The following SGCZ variants were observed in gnomAD, a reference collection of about 807,000 sequenced individuals.
SGCZ encodes zeta-sarcoglycan.
A neutral mutation model predicts 41.3 loss-of-function variants in SGCZ; 40 were observed. The ratio of observed to expected loss-of-function variants is 0.97; its 90% CI spans 0.75 to 1.26. The LOEUF (loss-of-function observed/expected upper bound fraction) is 1.26, where lower values mean the gene tolerates loss of function less well. Among genes scored for constraint, SGCZ ranks in the 50% most tolerant of loss-of-function variants. The probability of loss-of-function intolerance (pLI) is 0.00; values close to 1 mark genes in which losing one functional copy is unlikely to be tolerated. For missense variants in SGCZ, 552 were observed against 369.8 expected, an observed-to-expected ratio of 1.49 and a Z score of -4.04; for synonymous variants, 206 against 137.5, an observed-to-expected ratio of 1.50 and a Z score of -3.49.
At chr8:14,272,463 G>A (rs953597321) in intron 3 of SGCZ, among the ~76,000 whole-genome samples, 5 of 152,178 alleles carry the variant, frequency 3.3e-5, no homozygotes, top group African/African-American at 1.2e-4. Flanking sequence ...AGTCCTGACT[G>A]GTAGCACTTG....
intron 1 of SGCZ, among the ~76,000 whole-genome samples, chr8:14,594,470 G>T (rs920337444): frequency 1.3e-4 from 19 of 151,894 alleles, no homozygotes; most frequent in African/African-American, 4.6e-4. Flanking sequence ...TTTTCTTTCT[G>T]CCCAATCTCA....
In SGCZ at chr8:14,177,792, G is replaced by A. The variant is rs965775142; in HGVS notation, c.425-13090C>T. Among the ~76,000 whole-genome samples the A allele has an allele frequency of 3.3e-4, 50 of 150,692 alleles. 1 individual carries two copies. The highest frequency in any genetic ancestry group is 1.2e-3 in the African/African-American group (49 of 41,170). Reference sequence around the variant, plus strand: ...ATTCGCCTCAGCCTCCCAAAGTGCTGGGATTACAGGCGTGAGCCACTGCGC... The same window carrying A: ...ATTCGCCTCAGCCTCCCAAAGTGCTAGGATTACAGGCGTGAGCCACTGCGC... On this transcript the variant is annotated intron_variant, in intron 4 of 7. Coordinates refer to ENST00000382080, the MANE Select transcript of SGCZ (RefSeq NM_139167.4).
At chr8:14,262,154 T>A (rs1456372610) in intron 3 of SGCZ, among the ~76,000 whole-genome samples, 3 of 152,164 alleles carry the variant, frequency 2.0e-5, no homozygotes, top group African/African-American at 7.2e-5. Flanking sequence ...AAGGTAACTT[T>A]GTTTAGAATG....
intron 1 of SGCZ, among the ~76,000 whole-genome samples, chr8:14,789,312 C>G (rs530692874): frequency 6.6e-6 from 1 of 152,122 alleles, no homozygotes; most frequent in African/African-American, 2.4e-5. Flanking sequence ...CTCATTCAAC[C>G]TCATCTGGGA....
chr8:14,954,267 GA>G (rs1223652716), intron 1 of SGCZ, among the ~76,000 whole-genome samples: 1 of 152,088 alleles, frequency 6.6e-6, no homozygotes, highest in African/African-American at 2.4e-5. Context: ...ACATGGTATG[GA>G]AAAGGTTTAT....
At chr8:14,447,850 T>C (rs528058941) in intron 2 of SGCZ, among the ~76,000 whole-genome samples, 4 of 152,294 alleles carry the variant, frequency 2.6e-5, no homozygotes, top group Non-Finnish European at 4.4e-5. Context: ...CTCTTTGAGA[T>C]GTCATAATGC....
intron 2 of SGCZ, among the ~76,000 whole-genome samples, chr8:14,477,556 C>T (rs192429487): frequency 6.6e-6 from 1 of 152,228 alleles, no homozygotes; most frequent in East Asian, 1.9e-4. Flanking sequence ...ATTTTATTCT[C>T]CTTCAGTAGT....
intron 1 of SGCZ, chr8:14,690,656 G>A (rs1179653789): frequency 6.6e-6 from 1 of 152,130 alleles, no homozygotes; most frequent in Non-Finnish European, 1.5e-5. Context: ...CTGATGCAAT[G>A]CCTAGTTTTT....
At chr8:14,140,234 T>G (rs1803325355) in intron 5 of SGCZ, among the ~76,000 whole-genome samples, 1 of 152,148 alleles carries the variant, frequency 6.6e-6, no homozygotes, top group Non-Finnish European at 1.5e-5. Flanking sequence ...GGGCAAAAAC[T>G]GGAAGCATTC....
chr8:14,592,272 C>G (rs982130841), intron 1 of SGCZ, among the ~76,000 whole-genome samples: 1 of 152,028 alleles, frequency 6.6e-6, no homozygotes, highest in African/African-American at 2.4e-5. Flanking sequence ...CCAAATAAAT[C>G]TTCAACAATG....
chr8:14,534,085 G>A (rs1046659903), intron 2 of SGCZ, among the ~76,000 whole-genome samples: 3 of 151,956 alleles, frequency 2.0e-5, no homozygotes, highest in African/African-American at 7.2e-5. Flanking sequence ...ATGTGAATTG[G>A]GCTAAAAAGG....
chr8:14,530,764 CTT>C (rs1491226871), intron 2 of SGCZ, among the ~76,000 whole-genome samples: 15,584 of 152,190 alleles, frequency 0.1, 1,002 homozygotes, highest in Non-Finnish European at 0.15. Flanking sequence ...TGGACCATCC[CTT>C]TAGCCCAGAA....
At chr8:14,289,048 G>A (rs1005937766) in intron 3 of SGCZ, among the ~76,000 whole-genome samples, 4 of 152,012 alleles carry the variant, frequency 2.6e-5, no homozygotes, top group Admixed American at 2.6e-4. Context: ...ACATCTGTAT[G>A]TACTTGATAT....
At chr8:14,580,567 A>T (rs1804854557) in intron 1 of SGCZ, among the ~76,000 whole-genome samples, 1 of 152,198 alleles carries the variant, frequency 6.6e-6, no homozygotes, top group South Asian at 2.1e-4. Flanking sequence ...AATAGAAATA[A>T]AATCCCATTT....
At chr8:14,452,739 C>A (rs534126821) in intron 2 of SGCZ, among the ~76,000 whole-genome samples, 22 of 152,074 alleles carry the variant, frequency 1.4e-4, no homozygotes, top group Non-Finnish European at 2.6e-4. Context: ...AATTTGCTTT[C>A]AATCAAAATA....
intron 3 of SGCZ, among the ~76,000 whole-genome samples, chr8:14,250,258 T>C (rs538550213): frequency 2.0e-5 from 3 of 152,138 alleles, no homozygotes; most frequent in East Asian, 1.9e-4. Context: ...AACATTGCAA[T>C]TGTTGCAAAA....
intron 5 of SGCZ, among the ~76,000 whole-genome samples, chr8:14,147,887 T>G (rs145650091): frequency 2.6e-5 from 4 of 151,972 alleles, no homozygotes; most frequent in African/African-American, 9.6e-5. Context: ...AACTAGAAAT[T>G]AATAATAAGA....
At chr8:15,195,017 CTTA>C (rs541552091) in intron 1 of SGCZ, among the ~76,000 whole-genome samples, 6 of 152,182 alleles carry the variant, frequency 3.9e-5, no homozygotes, top group Non-Finnish European at 7.4e-5. Flanking sequence ...AAATTCCCAT[CTTA>C]TTATCTTAGC....
At chr8:14,781,966 C>T (rs1800602455) in intron 1 of SGCZ, among the ~76,000 whole-genome samples, 1 of 152,142 alleles carries the variant, frequency 6.6e-6, no homozygotes, top group Admixed American at 6.5e-5. Flanking sequence ...ACTTTTGCAA[C>T]ATCATAAAGT....
Sources: allele counts gnomAD v4.1 joint callset (sites outside exome capture counted in the v4.1 genomes callset), GRCh38; gene constraint gnomAD v4.1.1; transcripts MANE v1.5; gene names NCBI Gene and HGNC (gene_info 2026-07-23, HGNC 2026-07-21).